Variants in KIF13B observed in about 807,000 individuals in gnomAD.
KIF13B encodes the protein kinesin family member 13B.
Under a neutral mutation model 222.0 loss-of-function variants are expected in KIF13B, and 127 were observed. That is an observed-to-expected ratio of 0.57 (90% CI 0.50 to 0.66). The LOEUF is 0.66. KIF13B is among the 30% of genes least tolerant of loss of function. The probability of loss-of-function intolerance (pLI) is 0.00; values close to 1 mark genes in which losing one functional copy is unlikely to be tolerated. For synonymous variants in KIF13B, 976 were observed against 919.0 expected (o/e 1.06, Z -1.12); for missense variants, 2,173 against 2,379.0 (o/e 0.91, Z 1.80).
rs1332289244 is a variant in KIF13B at position 29,158,907 on chromosome 8, CAG to C, written c.1404+1824_1404+1825del. 1.5e-4 allele frequency among the ~76,000 whole-genome samples: 23 copies of C among 152,302 alleles called. No homozygotes were observed. The East Asian group carries it at 4.2e-3, about 28-fold the overall frequency. ...TTTTAGTTAAGGAGCAGATATGAAT[CAG>C]AGTTTTTTCTTGATATGTGTGTTTG... On this transcript the variant is annotated intron_variant, in intron 13 of 39. Transcript: ENST00000524189.
intron 2 of KIF13B, among the ~76,000 whole-genome samples, chr8:29,213,291 T>C (rs1208242070): frequency 1.3e-5 from 2 of 152,216 alleles, no homozygotes; most frequent in Non-Finnish European, 2.9e-5. Flanking sequence ...TCTTACTGGA[T>C]CCAAAAGCTA....
chr8:29,220,567 A>G (rs1461019862), intron 2 of KIF13B, among the ~76,000 whole-genome samples: 1 of 151,864 alleles, frequency 6.6e-6, no homozygotes. Flanking sequence ...AAAAAAGTCT[A>G]TATTAGGACA....
intron 2 of KIF13B, among the ~76,000 whole-genome samples, chr8:29,203,892 C>CAAAA (rs11432771): frequency 6.4e-4 from 42 of 66,028 alleles, no homozygotes; most frequent in African/African-American, 1.7e-3. Flanking sequence ...AGTTCCGTCT[C>CAAAA]AAAAAAAAAA....
chr8:29,200,738 A>C (rs1317457329), intron 2 of KIF13B, among the ~76,000 whole-genome samples: 1 of 152,162 alleles, frequency 6.6e-6, no homozygotes, highest in African/African-American at 2.4e-5. Flanking sequence ...TGTCTCCTCC[A>C]ACCTGGGGCA....
intron 13 of KIF13B, among the ~76,000 whole-genome samples, chr8:29,159,745 ATATGAAGG>A (rs1226715217): frequency 1.3e-5 from 2 of 152,200 alleles, no homozygotes. Context: ...AGACATGCAC[ATATGAAGG>A]TATGCATCAA....
chr8:29,183,579 C>A (rs1167849379), intron 6 of KIF13B, among the ~76,000 whole-genome samples: 4 of 152,186 alleles, frequency 2.6e-5, no homozygotes, highest in Middle Eastern at 3.2e-3. Flanking sequence ...TTATCCTCAC[C>A]TTAGGCATGA....
chr8:29,166,426 C>T (rs1812000676), intron 11 of KIF13B, among the ~76,000 whole-genome samples: 1 of 152,112 alleles, frequency 6.6e-6, no homozygotes, highest in African/African-American at 2.4e-5. Context: ...TGGCCGAGCA[C>T]GGTGGCTCAC....
intron 25 of KIF13B, 77 bp downstream of exon 25, chr8:29,127,045 A>C: frequency 8.1e-7 from 1 of 1,235,168 alleles, no homozygotes; most frequent in South Asian, 1.4e-5. Context: ...CATAAAAAGT[A>C]GTTTCGTACG....
At chr8:29,188,688 C>T (rs1486864184) in intron 4 of KIF13B, 81 bp from the exon 5 acceptor site, 15 of 847,956 alleles carry the variant, frequency 1.8e-5, no homozygotes, top group Non-Finnish European at 2.6e-5. Context: ...ACAAAAATCT[C>T]AAAAATGTAT....
At chr8:29,250,019 G>A (rs936412219) in intron 1 of KIF13B, 4 of 1,288,942 alleles carry the variant, frequency 3.1e-6, no homozygotes, top group Admixed American at 4.6e-5. Flanking sequence ...GTCCATGAGA[G>A]TTTCTTAAAA....
rs374620807 is a variant in KIF13B at position 29,070,301 on chromosome 8, T to C, written c.*203A>G. The C allele has an allele frequency of 4.9e-6, 3 of 611,176 alleles. No homozygotes were observed. Among genetic ancestry groups the C allele is most frequent in the Admixed American group, 3.1e-5 (1 of 32,536 alleles). The allele number at this position is 611,176 out of a possible 1,614,324, so 37.9% of individuals were successfully genotyped here. On this transcript the variant is annotated 3_prime_UTR_variant, in exon 40 of 40. Coordinates refer to ENST00000524189, the MANE Select transcript of KIF13B (RefSeq NM_015254.4). The surrounding 1 kb of genome is among the most constrained non-coding windows in gnomAD (Gnocchi z 4.1). ...CTTCCATCCACCTGAGGAGGCACAG[T>C]TGAGGCCCCCACTTTACCCGGGTAC...
At chr8:29,106,372 C>G (rs1301635138) in intron 35 of KIF13B, among the ~76,000 whole-genome samples, 1 of 152,192 alleles carries the variant, frequency 6.6e-6, no homozygotes, top group Admixed American at 6.5e-5. Flanking sequence ...TGGCTTATGC[C>G]TGTAATCCCA....
At chr8:29,254,904 GATGA>G (rs1816419618) in intron 1 of KIF13B, among the ~76,000 whole-genome samples, 2 of 152,190 alleles carry the variant, frequency 1.3e-5, no homozygotes, top group East Asian at 3.8e-4. Flanking sequence ...CCCATCAATT[GATGA>G]ATGAATACAA....
chr8:29,217,630 G>T (rs1814545218), intron 2 of KIF13B, among the ~76,000 whole-genome samples: 1 of 152,336 alleles, frequency 6.6e-6, no homozygotes, highest in African/African-American at 2.4e-5. Context: ...TGAACAAAGA[G>T]AAAGAATTTC....
At chr8:29,192,317 A>G (rs986115572) in intron 3 of KIF13B, among the ~76,000 whole-genome samples, 1 of 152,136 alleles carries the variant, frequency 6.6e-6, no homozygotes, top group African/African-American at 2.4e-5. Context: ...TGAACTTCCA[A>G]TCACCTCCAG....
rs1276059630 is a variant in KIF13B, at chr8:29,069,853, T to C, written c.*651A>G. ...GCCAAAACATCCACAGAGAAACCGC[T>C]AAGAAACCCTGGCAGAGGAGGGATG... On this transcript the variant is annotated 3_prime_UTR_variant, in exon 40 of 40. Transcript: ENST00000524189. The C allele has an allele frequency of 6.6e-6, 1 of 152,244 alleles. No homozygotes were observed. Among genetic ancestry groups the C allele is most frequent in the Non-Finnish European group, 1.5e-5 (1 of 68,132 alleles). 9.4% of individuals were successfully genotyped at this position (152,244 alleles called of 1,614,324 possible). A position where few individuals can be genotyped will look rare whatever the true frequency, so the allele number is the denominator to read the frequency against.
chr8:29,222,349 C>T (rs1406693986), intron 2 of KIF13B, among the ~76,000 whole-genome samples: 1 of 151,872 alleles, frequency 6.6e-6, no homozygotes, highest in Non-Finnish European at 1.5e-5. Flanking sequence ...ACAGCAAGAC[C>T]CCGTCTCAAA....
chr8:29,130,996 C>A (rs1810318402), intron 23 of KIF13B, among the ~76,000 whole-genome samples: 1 of 152,026 alleles, frequency 6.6e-6, no homozygotes, highest in African/African-American at 2.4e-5. Context: ...AAAATACAAC[C>A]AAACAAAATC....
chr8:29,162,998 A>C (rs965368274), intron 12 of KIF13B, among the ~76,000 whole-genome samples: 6 of 152,256 alleles, frequency 3.9e-5, no homozygotes, highest in African/African-American at 1.4e-4. Flanking sequence ...AAAAATTTAC[A>C]AAAGCAAGTG....
Sources: gnomAD v4.1 joint callset for allele counts (sites outside exome capture counted in the v4.1 genomes callset) on GRCh38, gnomAD v4.1.1 for gene constraint, Gnocchi (gnomAD v3.1) non-coding constraint, MANE v1.5 for transcripts, NCBI Gene and HGNC (gene_info 2026-07-23, HGNC 2026-07-21) for gene names.